TBCA: variants seen among roughly 807,000 people sequenced by gnomAD.
TBCA encodes the protein tubulin folding cofactor A.
A neutral mutation model predicts 15.8 loss-of-function variants in TBCA; 6 were observed. The observed-to-expected ratio is 0.38, with a 90% CI of 0.21 to 0.75. The LOEUF is 0.75. Ranked by LOEUF, TBCA falls within the 30% of genes least tolerant of loss-of-function variation. The probability of loss-of-function intolerance (pLI) is 0.46; values close to 1 mark genes in which losing one functional copy is unlikely to be tolerated. For missense variants in TBCA, 90 were observed against 131.2 expected (o/e 0.69, Z 1.53); for synonymous variants, 32 against 42.3 (o/e 0.76, Z 0.94).
At chr5:77,697,993 A>G (rs1464383197) in intron 2 of TBCA, among the ~76,000 whole-genome samples, 4 of 151,982 alleles carry the variant, frequency 2.6e-5, no homozygotes, top group African/African-American at 9.7e-5. Flanking sequence ...GGTGACACAC[A>G]TCTGTAGTCT....
intron 1 of TBCA, among the ~76,000 whole-genome samples, chr5:77,746,372 T>C (rs1005984044): frequency 3.3e-5 from 5 of 152,336 alleles, no homozygotes; most frequent in Middle Eastern, 3.4e-3. Context: ...CATTAAATTG[T>C]AAATTTTGAT....
At chr5:77,760,682 C>T (rs991329667) in intron 1 of TBCA, among the ~76,000 whole-genome samples, 1 of 152,232 alleles carries the variant, frequency 6.6e-6, no homozygotes, top group African/African-American at 2.4e-5. Flanking sequence ...CTCGGGCTCC[C>T]GAGGTGCTGG....
chr5:77,718,655 G>A (rs1746461847), intron 1 of TBCA, among the ~76,000 whole-genome samples: 1 of 152,166 alleles, frequency 6.6e-6, no homozygotes, highest in Non-Finnish European at 1.5e-5. Flanking sequence ...ATTTTTCACT[G>A]TTCCCAAACT....
intron 2 of TBCA, among the ~76,000 whole-genome samples, chr5:77,702,868 T>C (rs1746053832): frequency 6.6e-6 from 1 of 152,322 alleles, no homozygotes; most frequent in South Asian, 2.1e-4. Context: ...ACACATTTTC[T>C]TGGATGATTG....
chr5:77,766,984 C>T (rs1188902340), intron 1 of TBCA, among the ~76,000 whole-genome samples: 1 of 152,092 alleles, frequency 6.6e-6, no homozygotes, highest in African/African-American at 2.4e-5. Context: ...CCTGAAAAGA[C>T]GTGAAGAACT....
In TBCA at chr5:77,737,893, G is replaced by A. The variant is rs72772828; in HGVS notation, c.54-29546C>T. Among the ~76,000 whole-genome samples, 1,344 of 152,050 alleles carry A rather than the reference G, an allele frequency of 8.8e-3. 12 individuals are homozygous for A. Among genetic ancestry groups the A allele is most frequent in the Non-Finnish European group, 0.015 (994 of 67,966 alleles). On this transcript the variant is annotated intron_variant, in intron 1 of 3. Coordinates refer to ENST00000380377, the MANE Select transcript of TBCA (RefSeq NM_004607.3). ...TTGCTGTAAAATCTCTTATTTCTTT[G>A]TAATTCATAATATAATTCATCCCAC...
At chr5:77,699,049 A>G (rs1237324737) in intron 2 of TBCA, among the ~76,000 whole-genome samples, 1 of 149,700 alleles carries the variant, frequency 6.7e-6, no homozygotes, top group African/African-American at 2.4e-5. Flanking sequence ...AAAAAAAAAA[A>G]AAAAAAAAAG....
chr5:77,735,307 T>C (rs909774964), intron 1 of TBCA, among the ~76,000 whole-genome samples: 3 of 152,150 alleles, frequency 2.0e-5, no homozygotes, highest in Admixed American at 2.0e-4. Context: ...AATGCGAAAA[T>C]CTACTCTACT....
intron 3 of TBCA, chr5:77,692,856 T>G: frequency 8.9e-7 from 1 of 1,117,630 alleles, no homozygotes; most frequent in Non-Finnish European, 1.1e-6. Flanking sequence ...GGTTTGAATG[T>G]GAAAGAATTC....
Position 77,691,177 on chromosome 5 carries a change from A to G in TBCA, c.*241T>C. On this transcript the variant is annotated 3_prime_UTR_variant, in exon 4 of 4. Coordinates refer to ENST00000380377, the MANE Select transcript of TBCA (RefSeq NM_004607.3). ...CTAACAGATTATAGTTCTCTGTCAT[A>G]AAGTCTATGTGGTTTAATGATAAAA... The G allele has an allele frequency of 2.2e-6, 1 of 445,770 alleles. No individual in the cohort carries two copies. The highest frequency in any genetic ancestry group is 4.5e-5 in the East Asian group (1 of 22,132). 27.6% of individuals were successfully genotyped at this position (445,770 alleles called of 1,614,324 possible).
chr5:77,718,611 C>T (rs2431522), intron 1 of TBCA, among the ~76,000 whole-genome samples: 74,294 of 151,948 alleles, frequency 0.49, 18,304 homozygotes, highest in South Asian at 0.53. Flanking sequence ...CATTTTCCAC[C>T]AATCCTTGTG....
intron 1 of TBCA, among the ~76,000 whole-genome samples, chr5:77,725,583 G>A (rs754947929): frequency 2.6e-5 from 4 of 152,096 alleles, no homozygotes; most frequent in African/African-American, 7.2e-5. Context: ...TTGTCGGCAC[G>A]ACAACAAAGA....
At chr5:77,697,556 C>T (rs1283281475) in intron 2 of TBCA, among the ~76,000 whole-genome samples, 2 of 151,796 alleles carry the variant, frequency 1.3e-5, no homozygotes, top group African/African-American at 4.8e-5. Flanking sequence ...AATAAAGACA[C>T]AGATAAATGG....
intron 1 of TBCA, among the ~76,000 whole-genome samples, chr5:77,772,121 A>G (rs1202478971): frequency 1.3e-5 from 2 of 152,124 alleles, no homozygotes; most frequent in Admixed American, 1.3e-4. Flanking sequence ...CCCTTTCACA[A>G]AAGCAAGAAC....
chr5:77,744,315 T>C (rs1326835787), intron 1 of TBCA, among the ~76,000 whole-genome samples: 1 of 151,994 alleles, frequency 6.6e-6, no homozygotes, highest in Non-Finnish European at 1.5e-5. Context: ...TCTACTACCA[T>C]CTAGTGGGTA....
At chr5:77,768,157 T>C (rs190676128) in intron 1 of TBCA, among the ~76,000 whole-genome samples, 99 of 152,288 alleles carry the variant, frequency 6.5e-4, no homozygotes, top group Non-Finnish European at 1.3e-3. Flanking sequence ...ATTTATAAAT[T>C]GCCCAGTCTC....
chr5:77,751,108 G>C (rs1034839739), intron 1 of TBCA, among the ~76,000 whole-genome samples: 54 of 150,952 alleles, frequency 3.6e-4, no homozygotes, highest in African/African-American at 1.1e-3. Flanking sequence ...GTATAATGAA[G>C]CCTGTCTGAC....
intron 2 of TBCA, among the ~76,000 whole-genome samples, chr5:77,700,742 A>T (rs1745992681): frequency 6.6e-6 from 1 of 152,230 alleles, no homozygotes; most frequent in Admixed American, 6.5e-5. Flanking sequence ...CTTATGTTCA[A>T]GAGTAGAGAA....
intron 1 of TBCA, among the ~76,000 whole-genome samples, chr5:77,710,861 T>A (rs890292394): frequency 1.3e-5 from 2 of 152,330 alleles, no homozygotes; most frequent in East Asian, 3.9e-4. Context: ...ATAATCATGA[T>A]CATTATTCAG....
Sources: allele counts gnomAD v4.1 joint callset (sites outside exome capture counted in the v4.1 genomes callset), GRCh38; gene constraint gnomAD v4.1.1; transcripts MANE v1.5; gene names NCBI Gene and HGNC (gene_info 2026-07-23, HGNC 2026-07-21).